Variants in PYY observed in about 807,000 individuals in gnomAD.
PYY encodes the protein peptide tyrosine tyrosine.
A neutral mutation model predicts 10.3 loss-of-function variants in PYY; 12 were observed. The ratio of observed to expected loss-of-function variants is 1.17; its 90% CI spans 0.75 to 1.89. The LOEUF is 1.89. PYY is among the 40% of genes most tolerant of loss of function. The probability of loss-of-function intolerance (pLI) is 0.00; values close to 1 mark genes in which losing one functional copy is unlikely to be tolerated. For missense variants in PYY, 141 were observed against 134.0 expected, an observed-to-expected ratio of 1.05 and a Z score of -0.26; for synonymous variants, 66 against 62.0, an observed-to-expected ratio of 1.06 and a Z score of -0.30.
At chr17:43,986,446 G>GT (rs1368283151) in intron 1 of PYY, among the ~76,000 whole-genome samples, 1 of 151,700 alleles carries the variant, frequency 6.6e-6, no homozygotes, top group South Asian at 2.1e-4. Context: ...CCCAAGACTG[G>GT]GTCATGTGGC....
chr17:43,994,131 G>A (rs1038249301), intron 1 of PYY, among the ~76,000 whole-genome samples: 1 of 151,702 alleles, frequency 6.6e-6, no homozygotes, highest in Admixed American at 6.6e-5. Context: ...TGGGATTACA[G>A]GCATGGGCCA....
At chr17:43,986,987 C>G (rs1196265773) in intron 1 of PYY, among the ~76,000 whole-genome samples, 1 of 152,190 alleles carries the variant, frequency 6.6e-6, no homozygotes, top group Non-Finnish European at 1.5e-5. Context: ...ATTATGCGAC[C>G]TGCCCAAGTT....
chr17:43,974,153 A>G (rs1275985956), intron 1 of PYY, among the ~76,000 whole-genome samples: 1 of 151,908 alleles, frequency 6.6e-6, no homozygotes, highest in Non-Finnish European at 1.5e-5. Flanking sequence ...TTATATCTAC[A>G]TTGCCATTTA....
intron 1 of PYY, 67 bp from the exon 2 acceptor site, chr17:43,953,550 T>A: frequency 7.1e-7 from 1 of 1,418,408 alleles, no homozygotes; most frequent in Non-Finnish European, 9.4e-7. Context: ...AGGCTGCGGC[T>A]GCCGTCGGGG....
At chr17:43,958,486 T>A (rs1252287431), upstream of PYY, among the ~76,000 whole-genome samples, 3 of 151,998 alleles carry the variant, frequency 2.0e-5, no homozygotes, top group Non-Finnish European at 2.9e-5. Context: ...TTCAAGAGAT[T>A]CTCCTGCCTC....
Position 43,997,015 on chromosome 17 carries a change from G to T in PYY, c.-463+7376C>A, listed in dbSNP as rs753480761. 8.9e-4 allele frequency among the ~76,000 whole-genome samples: 134 copies of T among 150,592 alleles called. 1 individual carries two copies. Among genetic ancestry groups the T allele is most frequent in the Non-Finnish European group, 9.2e-4 (62 of 67,584 alleles). On this transcript the variant is annotated intron_variant, in intron 1 of 6. Coordinates refer to the PYY transcript ENST00000360085. ...AATTTTTTACAGTTTCTTTTTTTGG[G>T]GTGATGTTGTTGTTGTTGTTTGGTT...
At position 43,953,193 on chromosome 17, in the gene PYY, G is replaced by A. The variant is rs767991787; in HGVS notation, c.189-4C>T. ...CGGGCCGTCTCTTTTCCCATACCTGGGGGCGGGGAAGGGAAGAGCGTGGTC... is the reference window on the plus strand; with the variant it reads ...CGGGCCGTCTCTTTTCCCATACCTGAGGGCGGGGAAGGGAAGAGCGTGGTC... On this transcript the variant is annotated splice_polypyrimidine_tract_variant and splice_region_variant and intron_variant, in intron 2 of 3. Transcript: ENST00000692052. 2.5e-6 allele frequency: 4 copies of A among 1,613,792 alleles called. No homozygotes were observed. In the South Asian group the frequency reaches 3.3e-5, roughly 13 times the overall value.
In PYY at chr17:43,976,214, T is replaced by TATGTATAC. The variant is rs1567932096; in HGVS notation, c.-462-9690_-462-9683dup. Among the ~76,000 whole-genome samples the TATGTATAC allele has an allele frequency of 1.6e-4, 23 of 143,668 alleles. 2 individuals carry two copies. The highest frequency in any genetic ancestry group is 6.9e-4 in the Admixed American group (10 of 14,584). The allele number at this position is 143,668 out of a possible 152,430, so 94.3% of individuals were successfully genotyped here. ...ATGTATACATATATACATATACGTA[T>TATGTATAC]ATGTATACATATATACATATGCGTA... On this transcript the variant is annotated intron_variant, in intron 1 of 6. Transcript: ENST00000360085.
At chr17:43,976,228 T>TATATAC (rs1567932152) in intron 1 of PYY, among the ~76,000 whole-genome samples, 1 of 143,932 alleles carries the variant, frequency 6.9e-6, no homozygotes, top group African/African-American at 2.7e-5. Context: ...TATACATATA[T>TATATAC]ACATATGCGT....
rs112483446 is a variant in PYY at position 43,965,816 on chromosome 17, A to G, written c.-218+472T>C. 2.7e-3 allele frequency among the ~76,000 whole-genome samples: 380 copies of G among 142,688 alleles called. 1 individual carries two copies. The highest frequency in any genetic ancestry group is 4.1e-3 in the African/African-American group (164 of 39,700). 93.6% of individuals were successfully genotyped at this position (142,688 alleles called of 152,430 possible). ...AAAAAAAAAAAAAAAAAAAAAAAAA[A>G]AGAGAGAGAAACAAGTAAAATTATA... is the stretch of plus-strand genomic sequence containing the variant. On this transcript the variant is annotated intron_variant, in intron 2 of 6. Coordinates refer to the PYY transcript ENST00000360085.
At chr17:43,996,440 G>A (rs1390443863) in intron 1 of PYY, among the ~76,000 whole-genome samples, 1 of 152,012 alleles carries the variant, frequency 6.6e-6, no homozygotes, top group Non-Finnish European at 1.5e-5. Context: ...CAAATAAAAT[G>A]GTTCTTTCAA....
chr17:43,979,406 C>T (rs926379391), intron 1 of PYY, among the ~76,000 whole-genome samples: 2 of 152,120 alleles, frequency 1.3e-5, no homozygotes, highest in Non-Finnish European at 1.5e-5. Flanking sequence ...GATAAAACAT[C>T]AGGGAAGGCA....
intron 1 of PYY, among the ~76,000 whole-genome samples, chr17:43,974,863 G>T (rs560568968): frequency 1.3e-5 from 2 of 152,062 alleles, no homozygotes; most frequent in Non-Finnish European, 2.9e-5. Context: ...TTTTTCTACA[G>T]CAGACATATA....
intron 1 of PYY, among the ~76,000 whole-genome samples, chr17:43,994,530 T>A (rs1299676989): frequency 2.6e-5 from 4 of 152,120 alleles, no homozygotes. Context: ...GGAGCAAAAG[T>A]CCTGCACAAA....
chr17:43,983,703 C>T (rs1227447536), intron 1 of PYY, among the ~76,000 whole-genome samples: 5 of 152,348 alleles, frequency 3.3e-5, no homozygotes, highest in African/African-American at 1.2e-4. Context: ...GGGTCTTAGG[C>T]GCACATTGGC....
At chr17:43,988,768 TC>T (rs1422480166) in intron 1 of PYY, among the ~76,000 whole-genome samples, 31 of 88,112 alleles carry the variant, frequency 3.5e-4, no homozygotes, top group Admixed American at 1.7e-3. Flanking sequence ...TTTCTTTCTG[TC>T]TTTTTTTTTT....
chr17:43,953,209 G>C lies in PYY; in HGVS notation c.189-20C>G, dbSNP rs755146399. On this transcript the variant is annotated intron_variant, in intron 2 of 3. Coordinates refer to ENST00000692052, the MANE Select transcript of PYY (RefSeq NM_001394028.1). ...CCATACCTGGGGGCGGGGAAGGGAAGAGCGTGGTCAGATCTGGCCACGCCC... is the reference window on the plus strand; with the variant it reads ...CCATACCTGGGGGCGGGGAAGGGAACAGCGTGGTCAGATCTGGCCACGCCC... The C allele has an allele frequency of 1.2e-6, 2 of 1,613,372 alleles. No homozygotes were observed.
At chr17:43,977,370 C>T (rs973665718) in intron 1 of PYY, among the ~76,000 whole-genome samples, 1 of 152,168 alleles carries the variant, frequency 6.6e-6, no homozygotes, top group African/African-American at 2.4e-5. Flanking sequence ...CCCACCTTTC[C>T]GCCACCTCCC....
chr17:43,992,297 G>A (rs1044769708), intron 1 of PYY, among the ~76,000 whole-genome samples: 4 of 151,920 alleles, frequency 2.6e-5, no homozygotes, highest in Non-Finnish European at 5.9e-5. Context: ...ATAGGAAACT[G>A]AGGCCAGGCA....
Sources: gnomAD v4.1 joint callset for allele counts (sites outside exome capture counted in the v4.1 genomes callset) on GRCh38, gnomAD v4.1.1 for gene constraint, MANE v1.5 for transcripts, NCBI Gene and HGNC (gene_info 2026-07-23, HGNC 2026-07-21) for gene names.